INSL6: variants seen among roughly 807,000 people sequenced by gnomAD.
INSL6 encodes insulin-like peptide INSL6.
INSL6 carries 16 observed loss-of-function variants against 9.4 expected under a neutral mutation model. That is an observed-to-expected ratio of 1.70 (90% confidence interval 1.15 to 2.59). The LOEUF is 2.59. INSL6 is among the 30% of genes most tolerant of loss of function. INSL6 has a pLI of 0.00. For synonymous variants in INSL6, 154 were observed against 96.9 expected, an observed-to-expected ratio of 1.59 and a Z score of -3.46; for missense variants, 391 against 257.3, an observed-to-expected ratio of 1.52 and a Z score of -3.56.
chr9:5,069,894 G>A, the INSL6 span: 2 of 1,448,948 alleles, frequency 1.4e-6, no homozygotes, highest in Non-Finnish European at 1.9e-6. Flanking sequence ...AGTGTATTTT[G>A]AAGTGATATA....
At chr9:5,155,334 G>T (rs143157619) in intron 2 of INSL6, among the ~76,000 whole-genome samples, 1 of 139,002 alleles carries the variant, frequency 7.2e-6, no homozygotes, top group African/African-American at 2.7e-5. Context: ...GCAGGGTTGG[G>T]GGAGGGGGGA....
At chr9:5,042,531 C>G in the INSL6 span, among the ~76,000 whole-genome samples, 1 of 152,294 alleles carries the variant, frequency 6.6e-6, no homozygotes, top group East Asian at 1.9e-4. Context: ...AAGAAAGGCC[C>G]CCTCCACCCC....
Position 5,164,121 on chromosome 9 carries a change from G to A in INSL6, c.434C>T (p.Ala145Val). Residue 145 changes from alanine to valine, a missense_variant, in exon 2 of 2, where the codon GCA becomes GTA. Ala to Val is a moderately conservative substitution (Grantham distance 64). Coordinates refer to ENST00000381641, the MANE Select transcript of INSL6 (RefSeq NM_007179.3). Reference sequence around the variant, plus strand: ...GTTTCTACGTTTCTTCTGAAATTTTGCATTCTCATGAATATATACATTGAT... The same window carrying A: ...GTTTCTACGTTTCTTCTGAAATTTTACATTCTCATGAATATATACATTGAT... The part of the protein sequence containing the change: ...HNINVYIHEN[A>V]KFQKKRRNKI... The A allele has an allele frequency of 6.2e-7, 1 of 1,612,396 alleles. No homozygotes were observed. The highest frequency in any genetic ancestry group is 8.5e-7 in the Non-Finnish European group (1 of 1,179,482).
chr9:5,042,120 A>ATTTTTTT, the INSL6 span, among the ~76,000 whole-genome samples: 1 of 130,002 alleles, frequency 7.7e-6, no homozygotes, highest in African/African-American at 3.1e-5. Flanking sequence ...ACTGGCCAAA[A>ATTTTTTT]TTTCTTTTTT....
chr9:5,064,762 A>G, the INSL6 span: 61 of 651,418 alleles, frequency 9.4e-5, no homozygotes, highest in Non-Finnish European at 1.4e-4. Context: ...GTACTGAGCC[A>G]TAAAAGATAT....
the INSL6 span, among the ~76,000 whole-genome samples, chr9:5,070,918 A>G: frequency 6.6e-6 from 1 of 152,216 alleles, no homozygotes; most frequent in Non-Finnish European, 1.5e-5. Flanking sequence ...GTTAAAAGTG[A>G]GACTATCCCT....
At chr9:5,027,696 T>C in the INSL6 span, among the ~76,000 whole-genome samples, 2 of 152,248 alleles carry the variant, frequency 1.3e-5, no homozygotes, top group African/African-American at 4.8e-5. Context: ...TTGATTAAGT[T>C]GATGTAGTAT....
chr9:5,146,363 A>G (rs528699756), intron 2 of INSL6, among the ~76,000 whole-genome samples: 59 of 152,270 alleles, frequency 3.9e-4, no homozygotes, highest in African/African-American at 1.3e-3. Context: ...TAGTGGATTC[A>G]GGGGTGCCTG....
intron 3 of INSL6, among the ~76,000 whole-genome samples, chr9:5,129,208 T>C (rs1258527054): frequency 6.6e-6 from 1 of 152,130 alleles, no homozygotes; most frequent in Non-Finnish European, 1.5e-5. Context: ...GGTGTGGCAT[T>C]ATGTGCTCAC....
the INSL6 span, among the ~76,000 whole-genome samples, chr9:5,054,136 A>G: frequency 6.6e-6 from 1 of 152,084 alleles, no homozygotes; most frequent in Admixed American, 6.6e-5. The surrounding 1 kb of genome is among the most constrained non-coding windows in gnomAD (Gnocchi z 4.9). Flanking sequence ...ACAAAATGTA[A>G]CAATTTCCAA....
the INSL6 span, among the ~76,000 whole-genome samples, chr9:5,077,228 T>C: frequency 6.7e-6 from 1 of 150,006 alleles, no homozygotes; most frequent in Non-Finnish European, 1.5e-5. Context: ...TTATGTTATA[T>C]ATAATAATAT....
chr9:5,056,495 A>G, the INSL6 span, among the ~76,000 whole-genome samples: 24 of 152,170 alleles, frequency 1.6e-4, no homozygotes, highest in Non-Finnish European at 2.9e-4. Flanking sequence ...CCAGGGTTAT[A>G]TTACCAAAAT....
chr9:5,018,493 T>C, the INSL6 span, among the ~76,000 whole-genome samples: 32 of 152,192 alleles, frequency 2.1e-4, no homozygotes, highest in African/African-American at 7.2e-4. Flanking sequence ...CCTGCCACCA[T>C]GCCTGGCTAA....
intron 2 of INSL6, among the ~76,000 whole-genome samples, chr9:5,155,643 A>C (rs1382775089): frequency 6.6e-6 from 1 of 152,010 alleles, no homozygotes; most frequent in African/African-American, 2.4e-5. Context: ...ACTGGAAACC[A>C]TCATTCTCAG....
the INSL6 span, among the ~76,000 whole-genome samples, chr9:5,104,371 T>C: frequency 6.6e-6 from 1 of 152,158 alleles, no homozygotes; most frequent in Non-Finnish European, 1.5e-5. Flanking sequence ...CAGGAAGAAG[T>C]TGAATCTCTG....
downstream of INSL6, among the ~76,000 whole-genome samples, chr9:5,163,363 G>A (rs777054810): frequency 6.6e-6 from 1 of 152,158 alleles, no homozygotes; most frequent in Non-Finnish European, 1.5e-5. Context: ...TTTTAGTTTA[G>A]ATTCACTAAA....
chr9:5,117,127 C>A, the INSL6 span, among the ~76,000 whole-genome samples: 2 of 152,226 alleles, frequency 1.3e-5, no homozygotes, highest in Non-Finnish European at 2.9e-5. Flanking sequence ...CCCTTGGAAG[C>A]AGAGAGCAGC....
the INSL6 span, among the ~76,000 whole-genome samples, chr9:5,116,398 A>G: frequency 1.3e-5 from 2 of 152,246 alleles, no homozygotes; most frequent in Non-Finnish European, 2.9e-5. Context: ...AAATGTCGTC[A>G]TGATAAACAT....
the INSL6 span, among the ~76,000 whole-genome samples, chr9:5,066,092 G>A: frequency 6.6e-6 from 1 of 152,024 alleles, no homozygotes; most frequent in Non-Finnish European, 1.5e-5. Flanking sequence ...TTGTATATTA[G>A]AAATATGGTG....
Sources: gnomAD v4.1 joint callset for allele counts (sites outside exome capture counted in the v4.1 genomes callset) on GRCh38, gnomAD v4.1.1 for gene constraint, Gnocchi (gnomAD v3.1) non-coding constraint, MANE v1.5 for transcripts, NCBI Gene and HGNC (gene_info 2026-07-23, HGNC 2026-07-21) for gene names.